Variants in INPP4B observed in about 807,000 individuals in gnomAD.
INPP4B encodes the protein inositol polyphosphate 4-phosphatase type II.
Under a neutral mutation model 122.5 loss-of-function variants are expected in INPP4B, and 55 were observed. The observed-to-expected ratio is 0.45, with a 90% CI of 0.36 to 0.56. INPP4B has a LOEUF of 0.56. INPP4B is among the 20% of genes least tolerant of loss of function. The probability of loss-of-function intolerance (pLI) is 0.00; values close to 1 mark genes in which losing one functional copy is unlikely to be tolerated. For synonymous variants in INPP4B, 403 were observed against 388.7 expected, an observed-to-expected ratio of 1.04 and a Z score of -0.43; for missense variants, 1,000 against 1,097.7, an observed-to-expected ratio of 0.91 and a Z score of 1.26.
At chr4:142,281,107 A>AT (rs5862581) in intron 9 of INPP4B, among the ~76,000 whole-genome samples, 3,274 of 146,624 alleles carry the variant, frequency 0.022, 82 homozygotes, top group African/African-American at 0.058. Context: ...CATTTATTTC[A>AT]TTTTTTTTTT....
chr4:142,557,747 A>G (rs368063258), intron 2 of INPP4B, among the ~76,000 whole-genome samples: 1 of 152,226 alleles, frequency 6.6e-6, no homozygotes, highest in South Asian at 2.1e-4. Flanking sequence ...GTGCAACTAA[A>G]ATAATTTATA....
At chr4:142,064,787 T>C (rs924930495) in intron 25 of INPP4B, among the ~76,000 whole-genome samples, 1 of 152,138 alleles carries the variant, frequency 6.6e-6, no homozygotes, top group African/African-American at 2.4e-5. Flanking sequence ...AATTAAATTA[T>C]GAAACAAAAC....
chr4:142,593,559 A>G (rs962535446), intron 2 of INPP4B, among the ~76,000 whole-genome samples: 76 of 151,912 alleles, frequency 5.0e-4, no homozygotes, highest in African/African-American at 1.8e-3. Flanking sequence ...CTACTTTCTC[A>G]TTGCTGGACC....
chr4:142,229,256 C>T (rs576131095), intron 12 of INPP4B, among the ~76,000 whole-genome samples: 12 of 152,056 alleles, frequency 7.9e-5, no homozygotes, highest in Non-Finnish European at 1.8e-4. Context: ...ACAAATCATA[C>T]TGTAGGGAAC....
intron 9 of INPP4B, among the ~76,000 whole-genome samples, chr4:142,292,492 G>A (rs1409696450): frequency 6.6e-6 from 1 of 152,180 alleles, no homozygotes; most frequent in Non-Finnish European, 1.5e-5. Flanking sequence ...TATTGTGTGA[G>A]TCCTGGAAAA....
chr4:142,373,104 A>T (rs1790507374), intron 7 of INPP4B, among the ~76,000 whole-genome samples: 1 of 152,022 alleles, frequency 6.6e-6, no homozygotes, highest in Admixed American at 6.6e-5. Context: ...TCTAACAATG[A>T]CTATTTTGAA....
At chr4:142,707,417 C>A (rs986070200) in intron 2 of INPP4B, among the ~76,000 whole-genome samples, 2 of 152,164 alleles carry the variant, frequency 1.3e-5, no homozygotes, top group Non-Finnish European at 2.9e-5. Flanking sequence ...GGATTTGTGT[C>A]CCACTTATGT....
chr4:142,576,571 C>A (rs1239176581), intron 2 of INPP4B, among the ~76,000 whole-genome samples: 1 of 151,666 alleles, frequency 6.6e-6, no homozygotes, highest in Non-Finnish European at 1.5e-5. Flanking sequence ...AGTAGAAATA[C>A]CAAAGCCATA....
At chr4:142,528,982 G>A (rs1827265777) in intron 2 of INPP4B, among the ~76,000 whole-genome samples, 2 of 152,106 alleles carry the variant, frequency 1.3e-5, no homozygotes, top group African/African-American at 2.4e-5. Context: ...GTAACTGGCA[G>A]CAGTGTCTAA....
At chr4:142,798,500 TA>T (rs1777569277) in intron 1 of INPP4B, among the ~76,000 whole-genome samples, 1 of 151,902 alleles carries the variant, frequency 6.6e-6, no homozygotes, top group African/African-American at 2.4e-5. Context: ...AAGATGGAGT[TA>T]AGTAAATATG....
At chr4:142,565,994 C>T (rs1032756239) in intron 2 of INPP4B, 1 of 152,172 alleles carries the variant, frequency 6.6e-6, no homozygotes, top group African/African-American at 2.4e-5. Context: ...GTGTTAGAGG[C>T]ACTTTCAGTT....
chr4:142,822,732 A>C (rs772496167), intron 1 of INPP4B, among the ~76,000 whole-genome samples: 41 of 152,164 alleles, frequency 2.7e-4, no homozygotes, highest in African/African-American at 9.9e-4. Flanking sequence ...CTTCTGTTAC[A>C]TGAAAAAAGT....
intron 2 of INPP4B, among the ~76,000 whole-genome samples, chr4:142,701,918 CTATA>C (rs1761831549): frequency 6.6e-6 from 1 of 152,126 alleles, no homozygotes; most frequent in Non-Finnish European, 1.5e-5. Context: ...GTCTACTATA[CTATA>C]TATACTAGTA....
chr4:142,365,376 T>C (rs183195945), intron 7 of INPP4B, among the ~76,000 whole-genome samples: 1 of 152,246 alleles, frequency 6.6e-6, no homozygotes, highest in African/African-American at 2.4e-5. Flanking sequence ...GCTTTAGCAG[T>C]GAAAGAAGAA....
At chr4:142,498,038 C>T (rs1465008136) in intron 2 of INPP4B, among the ~76,000 whole-genome samples, 1 of 151,612 alleles carries the variant, frequency 6.6e-6, no homozygotes, top group Non-Finnish European at 1.5e-5. Context: ...TTTTATGAGC[C>T]TTTAAAGGAA....
At chr4:142,284,935 T>C (rs912593755) in intron 9 of INPP4B, among the ~76,000 whole-genome samples, 5 of 152,060 alleles carry the variant, frequency 3.3e-5, no homozygotes, top group Non-Finnish European at 7.4e-5. Flanking sequence ...TTGTGGAATA[T>C]AGCAACAGGA....
chr4:142,302,621 A>ATT (rs1761900755), intron 9 of INPP4B, among the ~76,000 whole-genome samples: 1 of 152,284 alleles, frequency 6.6e-6, no homozygotes, highest in East Asian at 1.9e-4. Context: ...TAATTATCAG[A>ATT]GCACAAAGCA....
intron 18 of INPP4B, among the ~76,000 whole-genome samples, chr4:142,143,758 A>G (rs1350600133): frequency 6.6e-6 from 1 of 152,088 alleles, no homozygotes; most frequent in Non-Finnish European, 1.5e-5. Context: ...AAAGATGCTT[A>G]TATGTTAATT....
At chr4:142,692,422 C>T (rs1352503367) in intron 2 of INPP4B, among the ~76,000 whole-genome samples, 1 of 152,070 alleles carries the variant, frequency 6.6e-6, no homozygotes, top group Non-Finnish European at 1.5e-5. Context: ...CAAATTGGGC[C>T]AGGTGGGGTG....
Sources: gnomAD v4.1 joint callset for allele counts (sites outside exome capture counted in the v4.1 genomes callset) on GRCh38, gnomAD v4.1.1 for gene constraint, MANE v1.5 for transcripts, NCBI Gene and HGNC (gene_info 2026-07-23, HGNC 2026-07-21) for gene names.